The following RSPO4 variants were observed in gnomAD, a reference collection of about 807,000 sequenced individuals.
RSPO4 encodes the protein R-spondin 4.
Under a neutral mutation model 24.8 loss-of-function variants are expected in RSPO4, and 23 were observed. That is an observed-to-expected ratio of 0.93 (90% CI 0.67 to 1.31). The LOEUF (loss-of-function observed/expected upper bound fraction) is 1.31, where lower values mean the gene tolerates loss of function less well. RSPO4 is among the 40% of genes most tolerant of loss of function. RSPO4 has a pLI of 0.00. For synonymous variants in RSPO4, 141 were observed against 127.4 expected (o/e 1.11, Z -0.72); for missense variants, 333 against 316.5 (o/e 1.05, Z -0.39).
intron 1 of RSPO4, among the ~76,000 whole-genome samples, chr20:990,262 G>C (rs148377616): frequency 5.2e-4 from 79 of 152,260 alleles, no homozygotes; most frequent in African/African-American, 1.8e-3. Flanking sequence ...ACCCTAAACT[G>C]TTTGTGGGGG....
At chr20:968,327 G>A (rs1156582631) in intron 1 of RSPO4, among the ~76,000 whole-genome samples, 189 bp from the exon 2 acceptor site, 2 of 152,264 alleles carry the variant, frequency 1.3e-5, no homozygotes, top group African/African-American at 4.8e-5. Context: ...CCAATCAGAT[G>A]TAAGGTAAAG....
intron 3 of RSPO4, among the ~76,000 whole-genome samples, chr20:965,625 CAGGGGGTGGCAAG>C (rs1984169303): frequency 6.6e-6 from 1 of 152,112 alleles, no homozygotes; most frequent in Admixed American, 6.5e-5. Flanking sequence ...TGGCGATAGG[CAGGGGGTGGCAAG>C]AGGGTGGGAA....
rs952488336 is a variant in RSPO4 at position 990,762 on chromosome 20, C to A, written c.79+11324G>T. On this transcript the variant is annotated intron_variant, in intron 1 of 4. Transcript: ENST00000217260. The stretch of plus-strand genomic sequence containing the variant: ...GGGTGTTGTTCAAGCCAATGTCACT[C>A]GCCTCCAGGGGCAGGGAGTCTCCAG... 6.6e-5 allele frequency among the ~76,000 whole-genome samples: 10 copies of A among 152,276 alleles called. No homozygotes were observed. The East Asian group carries it at 1.9e-3, about 29-fold the overall frequency.
At chr20:999,680 T>C (rs1985400881) in intron 1 of RSPO4, among the ~76,000 whole-genome samples, 1 of 152,044 alleles carries the variant, frequency 6.6e-6, no homozygotes, top group Non-Finnish European at 1.5e-5. Context: ...GGAGGAGGGA[T>C]GCTGAGAGCC....
At chr20:964,942 G>A (rs1214857409) in intron 3 of RSPO4, among the ~76,000 whole-genome samples, 1 of 151,980 alleles carries the variant, frequency 6.6e-6, no homozygotes, top group Non-Finnish European at 1.5e-5. Flanking sequence ...GAGACCTAGA[G>A]CAGAGGTTTG....
intron 1 of RSPO4, among the ~76,000 whole-genome samples, chr20:995,525 G>A (rs748018782): frequency 6.6e-6 from 1 of 151,486 alleles, no homozygotes; most frequent in Admixed American, 6.6e-5. Flanking sequence ...TTAGGGCCCC[G>A]ACACATCATT....
chr20:977,276 G>A (rs1371726043), intron 1 of RSPO4, among the ~76,000 whole-genome samples: 3 of 152,210 alleles, frequency 2.0e-5, no homozygotes, highest in Non-Finnish European at 4.4e-5. Context: ...GACCTTTGCT[G>A]GTCCTGGGCC....
In RSPO4 at chr20:974,383, T is replaced by C. The variant is rs567562940; in HGVS notation, c.80-6245A>G. On this transcript the variant is annotated intron_variant, in intron 1 of 4. Coordinates refer to ENST00000217260, the MANE Select transcript of RSPO4 (RefSeq NM_001029871.4). Reference sequence around the variant, plus strand: ...CTCTCTGGGCTGATGGACAATGGTCTGCGCTGGCCTTGACCTAAGGCGATC... The same window carrying C: ...CTCTCTGGGCTGATGGACAATGGTCCGCGCTGGCCTTGACCTAAGGCGATC... Among the ~76,000 whole-genome samples, 22 of 152,340 alleles carry C rather than the reference T, an allele frequency of 1.4e-4. No homozygotes were observed. In the East Asian group the frequency reaches 3.9e-3, roughly 27 times the overall value.
At chr20:1,000,542 G>C (rs1398801292) in intron 1 of RSPO4, among the ~76,000 whole-genome samples, 1 of 152,180 alleles carries the variant, frequency 6.6e-6, no homozygotes, top group Non-Finnish European at 1.5e-5. Flanking sequence ...AGGGAAAGGG[G>C]GTTTGTTTGA....
intron 1 of RSPO4, among the ~76,000 whole-genome samples, chr20:977,517 C>G (rs1361019317): frequency 6.6e-6 from 1 of 152,162 alleles, no homozygotes; most frequent in East Asian, 1.9e-4. Flanking sequence ...ATCACTGTTA[C>G]TACCATTATT....
Position 959,704 on chromosome 20 carries a change from T to C in RSPO4, c.*653A>G, listed in dbSNP as rs1983922544. The C allele has an allele frequency of 6.6e-6, 1 of 152,390 alleles. No homozygotes were observed. The allele number at this position is 152,390 out of a possible 1,614,324, so 9.4% of individuals were successfully genotyped here. ...CTGGGGGAGGTGTCCAAGCCAGGCC[T>C]CTGGAAGCCCTGGAGCCTTGTCCAG... On this transcript the variant is annotated 3_prime_UTR_variant, in exon 5 of 5. Transcript: ENST00000217260.
At chr20:993,571 G>A (rs187221877) in intron 1 of RSPO4, among the ~76,000 whole-genome samples, 2 of 152,264 alleles carry the variant, frequency 1.3e-5, no homozygotes, top group East Asian at 3.9e-4. Context: ...TGTAGAAGAG[G>A]GAGAATAATA....
At chr20:967,359 G>A (rs754812540) in intron 2 of RSPO4, 45 bp from the exon 3 acceptor site, 2 of 1,609,610 alleles carry the variant, frequency 1.2e-6, no homozygotes, top group Non-Finnish European at 1.7e-6. Flanking sequence ...GACTGCCAAG[G>A]ATGGGGCCCA....
At position 964,210 on chromosome 20, in the gene RSPO4, T is replaced by G. The variant is rs953668971; in HGVS notation, c.410-90A>C. 6 of 1,049,348 alleles carry G rather than the reference T, an allele frequency of 5.7e-6. No homozygotes were observed. In the African/African-American group the frequency reaches 9.6e-5, roughly 17 times the overall value. 65.0% of individuals were successfully genotyped at this position (1,049,348 alleles called of 1,614,324 possible). ...AGATCCAAGGGCAGGGTTTGAGGGG[T>G]TCAGTCCTCTGAAGACTGAAGACAC... is the stretch of plus-strand genomic sequence containing the variant. On this transcript the variant is annotated intron_variant, in intron 3 of 4. Transcript: ENST00000217260.
chr20:988,069 C>CTTT (rs1984977100), intron 1 of RSPO4, among the ~76,000 whole-genome samples: 10 of 152,246 alleles, frequency 6.6e-5, no homozygotes, highest in Admixed American at 2.6e-4. Context: ...CACAAGAAAG[C>CTTT]ACTCTTGGCG....
Position 967,043 on chromosome 20 carries a change from G to C in RSPO4, c.409+131C>G, listed in dbSNP as rs894992065. 1.2e-5 allele frequency: 10 copies of C among 829,376 alleles called. No individual in the cohort carries two copies. In the South Asian group the frequency reaches 1.4e-4, roughly 12 times the overall value. 51.4% of individuals were successfully genotyped at this position (829,376 alleles called of 1,614,324 possible). On this transcript the variant is annotated intron_variant, in intron 3 of 4. Coordinates refer to ENST00000217260, the MANE Select transcript of RSPO4 (RefSeq NM_001029871.4). ...GGAGGTACCCAGTGTACCTGACATG[G>C]TGGTGCTGGGCCTTCCCTCACCATA...
intron 2 of RSPO4, among the ~76,000 whole-genome samples, chr20:967,556 C>T (rs1289401193): frequency 1.3e-5 from 2 of 152,218 alleles, no homozygotes; most frequent in African/African-American, 2.4e-5. Context: ...TGAAGTCACC[C>T]GCAAACCAGG....
chr20:1,002,219 C>G lies in RSPO4; in HGVS notation c.-55G>C. ...CCAGGCGGCCCGACGGCCCAAGGGC[C>G]CCACGTCCCGGCGGCGGCACGGCGG... On this transcript the variant is annotated 5_prime_UTR_variant, in exon 1 of 5. Transcript: ENST00000217260. This position sits in a 1 kb window ranked among gnomAD's most constrained non-coding sequence, Gnocchi z 4.6. 1 of 1,302,154 alleles carries G rather than the reference C, an allele frequency of 7.7e-7. No homozygotes were observed. Among genetic ancestry groups the G allele is most frequent in the Non-Finnish European group, 1.0e-6 (1 of 999,366 alleles). 80.7% of individuals were successfully genotyped at this position (1,302,154 alleles called of 1,614,324 possible).
chr20:976,407 C>G (rs1037969779), intron 1 of RSPO4, among the ~76,000 whole-genome samples: 23 of 152,150 alleles, frequency 1.5e-4, no homozygotes, highest in Admixed American at 1.5e-3. Context: ...CAGCTTTGGT[C>G]CTAGGTGAAG....
Sources: gnomAD v4.1 joint callset for allele counts (sites outside exome capture counted in the v4.1 genomes callset) on GRCh38, gnomAD v4.1.1 for gene constraint, Gnocchi (gnomAD v3.1) non-coding constraint, MANE v1.5 for transcripts, NCBI Gene and HGNC (gene_info 2026-07-23, HGNC 2026-07-21) for gene names.